The following MCFD2 variants were observed in gnomAD, a reference collection of about 807,000 sequenced individuals.
MCFD2 encodes multiple coagulation factor deficiency 2, ER cargo receptor complex subunit, also known as multiple coagulation factor deficiency protein 2.
A neutral mutation model predicts 12.8 loss-of-function variants in MCFD2; 11 were observed. That is an observed-to-expected ratio of 0.86 (90% CI 0.54 to 1.42). MCFD2 has a LOEUF of 1.42. Among genes scored for constraint, MCFD2 ranks in the 40% most tolerant of loss-of-function variants. The pLI is 0.00. For missense variants in MCFD2, 191 were observed against 178.6 expected (o/e 1.07, Z -0.40); for synonymous variants, 70 against 68.1 (o/e 1.03, Z -0.14).
upstream of MCFD2, among the ~76,000 whole-genome samples, chr2:46,917,991 G>A (rs1290825861): frequency 6.6e-6 from 1 of 152,118 alleles, no homozygotes; most frequent in Admixed American, 6.5e-5. Flanking sequence ...CTCCCTATGT[G>A]AGTTTACCTA....
chr2:46,919,400 A>G (rs1217182982), upstream of MCFD2, among the ~76,000 whole-genome samples: 1 of 152,056 alleles, frequency 6.6e-6, no homozygotes, highest in Non-Finnish European at 1.5e-5. Flanking sequence ...GGGTGTGGTG[A>G]CGCATGCTTG....
At chr2:46,906,598 C>T (rs1461759703) in intron 3 of MCFD2, among the ~76,000 whole-genome samples, 2 of 151,036 alleles carry the variant, frequency 1.3e-5, no homozygotes, top group Non-Finnish European at 2.9e-5. Flanking sequence ...TGTTCCTCCC[C>T]ACTACCCTCC....
intron 1 of MCFD2, among the ~76,000 whole-genome samples, chr2:46,910,446 T>C (rs1170610409): frequency 6.6e-6 from 1 of 152,194 alleles, no homozygotes; most frequent in Non-Finnish European, 1.5e-5. Context: ...AGGTCAATTG[T>C]AGTCCACAGC....
chr2:46,902,788 G>T lies in MCFD2; in HGVS notation c.*2675C>A, dbSNP rs17035884. 6 of 152,234 alleles carry T rather than the reference G, an allele frequency of 3.9e-5. No homozygotes were observed. Among genetic ancestry groups the T allele is most frequent in the Admixed American group, 1.3e-4 (2 of 15,304 alleles). The allele number at this position is 152,234 out of a possible 1,614,324, so 9.4% of individuals were successfully genotyped here. A position where few individuals can be genotyped will look rare whatever the true frequency, so the allele number is the denominator to read the frequency against. On this transcript the variant is annotated 3_prime_UTR_variant, in exon 4 of 4. Transcript: ENST00000319466. Reference sequence around the variant, plus strand: ...TCATTTAGGCCAGGGGAACTTTACAGAATACTGACCATGTTTGCCTGAAGA... The same window carrying T: ...TCATTTAGGCCAGGGGAACTTTACATAATACTGACCATGTTTGCCTGAAGA...
chr2:46,911,692 C>G (rs571386418), intron 1 of MCFD2, among the ~76,000 whole-genome samples: 2 of 151,822 alleles, frequency 1.3e-5, no homozygotes, highest in Non-Finnish European at 2.9e-5. Context: ...GAGGCCGAGG[C>G]GGGCAGATCA....
Position 46,907,344 on chromosome 2 carries a change from A to G in MCFD2, c.309+466T>C, listed in dbSNP as rs2103741157. On this transcript the variant is annotated intron_variant, in intron 3 of 3. Coordinates refer to ENST00000319466, the MANE Select transcript of MCFD2 (RefSeq NM_139279.6). The surrounding 1 kb of genome is among the most constrained non-coding windows in gnomAD (Gnocchi z 4.1). ...AGGATCGTTGGACAGAAAGAGGCAGAACACAGAAGAGAAAGAAGCAGCAGC... is the reference window on the plus strand; with the variant it reads ...AGGATCGTTGGACAGAAAGAGGCAGGACACAGAAGAGAAAGAAGCAGCAGC... 5.0e-6 allele frequency: 1 copy of G among 201,318 alleles called. No homozygotes were observed. The allele number at this position is 201,318 out of a possible 1,614,324, so 12.5% of individuals were successfully genotyped here.
chr2:46,917,906 C>G (rs890488399), upstream of MCFD2, among the ~76,000 whole-genome samples: 12 of 152,216 alleles, frequency 7.9e-5, no homozygotes, highest in Non-Finnish European at 1.8e-4. Context: ...CTTTCTTGGG[C>G]TTCTTAATTG....
At position 46,937,602 on chromosome 2, in the gene MCFD2, G is replaced by A. The variant is rs947059106; in HGVS notation, c.-8+3970C>T. Among the ~76,000 whole-genome samples, 2 of 152,166 alleles carry A rather than the reference G, an allele frequency of 1.3e-5. No individual in the cohort carries two copies. Among genetic ancestry groups the A allele is most frequent in the Non-Finnish European group, 2.9e-5 (2 of 68,030 alleles). On this transcript the variant is annotated intron_variant, in intron 1 of 2. Transcript: ENST00000409147. This position sits in a 1 kb window ranked among gnomAD's most constrained non-coding sequence, Gnocchi z 4.0. Reference sequence around the variant, plus strand: ...TCAGAATGGAAAACCCCCCAATGATGATTTTTTATTTATTTTGTAGAGACA... The same window carrying A: ...TCAGAATGGAAAACCCCCCAATGATAATTTTTTATTTATTTTGTAGAGACA...
chr2:46,910,634 A>T (rs1668447301), intron 1 of MCFD2: 1 of 152,248 alleles, frequency 6.6e-6, no homozygotes, highest in African/African-American at 2.4e-5. Flanking sequence ...TGAAAGTGTG[A>T]GTATGCCACC....
chr2:46,927,884 G>GGTTTTT, intron 1 of MCFD2, among the ~76,000 whole-genome samples: 1 of 73,322 alleles, frequency 1.4e-5, no homozygotes, highest in Non-Finnish European at 2.6e-5. Flanking sequence ...TTTTTTTGGT[G>GGTTTTT]TTTTTTTTTT....
rs1353187913 is a variant in MCFD2 at position 46,909,088 on chromosome 2, C to T, written c.84G>A (p.Glu28=). 6.2e-7 allele frequency: 1 copy of T among 1,614,118 alleles called. No homozygotes were observed. The highest frequency in any genetic ancestry group is 1.1e-5 in the South Asian group (1 of 91,092). Residue 28 remains glutamate, a synonymous_variant, in exon 2 of 4, where the codon GAG becomes GAA. Coordinates refer to ENST00000319466, the MANE Select transcript of MCFD2 (RefSeq NM_139279.6). ...CGGGTTGGGAGAAGCTGGCTGCAGG[C>T]TCCTCAGCCCTGGCGCCTGGGGCAC... is the stretch of plus-strand genomic sequence containing the variant. ...AFCAPGARAE[E]PAASFSQPGS...
intron 1 of MCFD2, among the ~76,000 whole-genome samples, chr2:46,931,911 A>G (rs916539191): frequency 2.6e-5 from 4 of 152,206 alleles, no homozygotes; most frequent in African/African-American, 9.6e-5. Context: ...TAGGAAATTA[A>G]TACAACTAAG....
In MCFD2 at chr2:46,903,015, G is replaced by C. The variant is rs1668073037; in HGVS notation, c.*2448C>G. The stretch of plus-strand genomic sequence containing the variant: ...CTTGAAAGGATGCTGATATGGTTTG[G>C]TTGTGTCCCCCCACAAATCTCAACT... On this transcript the variant is annotated 3_prime_UTR_variant, in exon 4 of 4. Transcript: ENST00000319466. 6.6e-6 allele frequency: 1 copy of C among 152,186 alleles called. No homozygotes were observed. Among genetic ancestry groups the C allele is most frequent in the Non-Finnish European group, 1.5e-5 (1 of 68,046 alleles). 9.4% of individuals were successfully genotyped at this position (152,186 alleles called of 1,614,324 possible). A position where few individuals can be genotyped will look rare whatever the true frequency, so the allele number is the denominator to read the frequency against.
intron 1 of MCFD2, among the ~76,000 whole-genome samples, chr2:46,932,579 AAAAGAAAGAG>A (rs900051273): frequency 4.6e-4 from 70 of 152,146 alleles, no homozygotes; most frequent in Admixed American, 2.0e-3. Context: ...AAAGAGGAAG[AAAAGAAAGAG>A]AAAGAAAGAT....
chr2:46,917,734 A>G (rs1277483140), upstream of MCFD2, among the ~76,000 whole-genome samples: 2 of 152,140 alleles, frequency 1.3e-5, no homozygotes, highest in South Asian at 4.1e-4. Context: ...TGAAACTGCA[A>G]TCTCCATGCA....
chr2:46,928,632 T>C (rs892077135), intron 1 of MCFD2, among the ~76,000 whole-genome samples: 7 of 151,856 alleles, frequency 4.6e-5, no homozygotes, highest in African/African-American at 1.7e-4. Flanking sequence ...TGACCAGATG[T>C]GGTGACACAC....
At chr2:46,914,519 G>T (rs1057352004) in intron 1 of MCFD2, among the ~76,000 whole-genome samples, 3 of 152,172 alleles carry the variant, frequency 2.0e-5, no homozygotes, top group African/African-American at 7.2e-5. Context: ...GAAAAAGCAG[G>T]CATTTAATAT....
chr2:46,932,149 G>T (rs1331844790), intron 1 of MCFD2, among the ~76,000 whole-genome samples: 1 of 151,322 alleles, frequency 6.6e-6, no homozygotes, highest in Non-Finnish European at 1.5e-5. Flanking sequence ...GGGCTTCTGG[G>T]ATTCTTTTTT....
chr2:46,915,789 C>T lies in MCFD2; in HGVS notation c.-73G>A. On this transcript the variant is annotated 5_prime_UTR_variant, in exon 1 of 4. Coordinates refer to ENST00000319466, the MANE Select transcript of MCFD2 (RefSeq NM_139279.6). ...GCCTCACCAGCCCCCGTCCCCAAAA[C>T]GCTCTTCCTCGGCTTCGCCCCGCCC... is the stretch of plus-strand genomic sequence containing the variant. The T allele has an allele frequency of 2.1e-6, 2 of 942,996 alleles. No homozygotes were observed. Among genetic ancestry groups the T allele is most frequent in the Non-Finnish European group, 2.5e-6 (2 of 802,830 alleles). 58.4% of individuals were successfully genotyped at this position (942,996 alleles called of 1,614,324 possible).
Sources: gnomAD v4.1 joint callset for allele counts (sites outside exome capture counted in the v4.1 genomes callset) on GRCh38, gnomAD v4.1.1 for gene constraint, Gnocchi (gnomAD v3.1) non-coding constraint, MANE v1.5 for transcripts, NCBI Gene and HGNC (gene_info 2026-07-23, HGNC 2026-07-21) for gene names.